The following FOCAD variants were observed in gnomAD, a reference collection of about 807,000 sequenced individuals.
FOCAD encodes the protein focadhesin, also known as KIAA1797.
Under a neutral mutation model 225.6 loss-of-function variants are expected in FOCAD, and 198 were observed. That is an observed-to-expected ratio of 0.88 (90% confidence interval 0.78 to 0.99). The LOEUF is 0.99. FOCAD is among the 50% of genes least tolerant of loss of function. The pLI, the probability that FOCAD is intolerant of heterozygous loss-of-function variation, is 0.00. For missense variants in FOCAD, 2,713 were observed against 2,123.6 expected (o/e 1.28, Z -5.46); for synonymous variants, 897 against 755.0 (o/e 1.19, Z -3.08).
chr9:20,695,000 C>T (rs1214722933), intron 1 of FOCAD, among the ~76,000 whole-genome samples: 2 of 152,140 alleles, frequency 1.3e-5, no homozygotes, highest in East Asian at 3.8e-4. Flanking sequence ...TGTACAATCC[C>T]TCCACTCCTT....
At chr9:20,940,661 G>A (rs73426729) in intron 28 of FOCAD, among the ~76,000 whole-genome samples, 3,031 of 152,246 alleles carry the variant, frequency 0.02, 90 homozygotes, top group African/African-American at 0.068. Context: ...TTTCACATCT[G>A]TTTCTCATGG....
chr9:20,856,758 G>C (rs1246736458), intron 15 of FOCAD, among the ~76,000 whole-genome samples: 1 of 151,928 alleles, frequency 6.6e-6, no homozygotes, highest in Non-Finnish European at 1.5e-5. Context: ...ATTTTGATTT[G>C]ATTTTTATGT....
At chr9:20,977,795 A>G (rs1344999686) in intron 36 of FOCAD, among the ~76,000 whole-genome samples, 1 of 152,186 alleles carries the variant, frequency 6.6e-6, no homozygotes, top group Non-Finnish European at 1.5e-5. Context: ...CAGAGATTTC[A>G]TTTGAAAAAT....
intron 21 of FOCAD, among the ~76,000 whole-genome samples, chr9:20,906,329 C>T (rs1012791537): frequency 6.6e-6 from 1 of 151,954 alleles, no homozygotes; most frequent in African/African-American, 2.4e-5. Context: ...CTCACTCTCT[C>T]TCTTTTTTTT....
chr9:20,882,088 G>A, intron 20 of FOCAD, 32 bp downstream of exon 20: 2 of 1,569,296 alleles, frequency 1.3e-6, no homozygotes, highest in Non-Finnish European at 1.7e-6. Flanking sequence ...AAAAATACAG[G>A]TTTTTCATGT....
chr9:20,878,439 C>T lies in FOCAD; in HGVS notation c.2318-3432C>T, dbSNP rs371534100. 2.8e-4 allele frequency among the ~76,000 whole-genome samples: 42 copies of T among 152,270 alleles called. 2 individuals carry two copies. In the South Asian group the frequency reaches 8.5e-3, roughly 31 times the overall value. On this transcript the variant is annotated intron_variant, in intron 19 of 43. Transcript: ENST00000338382. ...TTATTGCTCGGCCATTGGAAATAAG[C>T]AATTTTCTGCTTTTGCTGCATCAAT...
intron 5 of FOCAD, among the ~76,000 whole-genome samples, chr9:20,750,180 T>A (rs1423812537): frequency 3.3e-5 from 5 of 152,176 alleles, no homozygotes; most frequent in Non-Finnish European, 7.3e-5. Flanking sequence ...ATTCTGTCAT[T>A]TGCAACAACA....
rs765962025 is a variant in FOCAD at position 20,862,695 on chromosome 9, A to G, written c.2038A>G (p.Asn680Asp). The G allele has an allele frequency of 1.2e-6, 2 of 1,612,328 alleles. No homozygotes were observed. The highest frequency in any genetic ancestry group is 1.7e-6 in the Non-Finnish European group (2 of 1,179,116). Reference sequence around the variant, plus strand: ...TTCTCTAGTTCCTTCCTTAACGGTCAATACAACTGAATATGAGGTATGCAT... The same window carrying G: ...TTCTCTAGTTCCTTCCTTAACGGTCGATACAACTGAATATGAGGTATGCAT... ...LFSLVPSLTV[N>D]TTEYENFKVQ... Residue 680 changes from asparagine (N) to aspartate (D), a missense_variant, in exon 16 of 44, where the codon AAT (asparagine) becomes GAT (aspartate). Physicochemically the swap from Asn to Asp is conservative, Grantham distance 23 (BLOSUM62 1). Transcript: ENST00000338382.
intron 1 of FOCAD, among the ~76,000 whole-genome samples, chr9:20,688,955 G>T (rs947365342): frequency 2.0e-5 from 3 of 152,168 alleles, no homozygotes; most frequent in Non-Finnish European, 2.9e-5. Flanking sequence ...ATTTTGTTAC[G>T]TGCGTATGGT....
chr9:20,867,641 A>T (rs1033942660), intron 18 of FOCAD, among the ~76,000 whole-genome samples: 1 of 152,050 alleles, frequency 6.6e-6, no homozygotes, highest in African/African-American at 2.4e-5. Flanking sequence ...TCAGCTTTAA[A>T]TTAGTAGATC....
chr9:20,730,963 C>T (rs1182284006), intron 4 of FOCAD, among the ~76,000 whole-genome samples: 2 of 152,154 alleles, frequency 1.3e-5, no homozygotes, highest in Non-Finnish European at 2.9e-5. Flanking sequence ...TGGCTGAGCG[C>T]AGTGGCTCAC....
chr9:20,712,551 A>G (rs1824943383), intron 1 of FOCAD, among the ~76,000 whole-genome samples: 1 of 151,360 alleles, frequency 6.6e-6, no homozygotes. Context: ...AATCCCAGCT[A>G]CTCGGGAGGC....
intron 25 of FOCAD, among the ~76,000 whole-genome samples, chr9:20,924,260 C>A (rs180816949): frequency 2.0e-4 from 31 of 152,296 alleles, no homozygotes; most frequent in Middle Eastern, 6.8e-3. Flanking sequence ...TAATTCATAT[C>A]TGTCTAAATA....
At chr9:20,803,592 C>G (rs1437641719) in intron 11 of FOCAD, among the ~76,000 whole-genome samples, 1 of 152,056 alleles carries the variant, frequency 6.6e-6, no homozygotes, top group Non-Finnish European at 1.5e-5. Context: ...TGTTTCAAAT[C>G]TCTTATGATA....
intron 6 of FOCAD, among the ~76,000 whole-genome samples, chr9:20,762,374 G>A (rs1242727576): frequency 6.6e-6 from 1 of 152,130 alleles, no homozygotes. Context: ...TTTATAGATT[G>A]TATAAGTATT....
intron 39 of FOCAD, among the ~76,000 whole-genome samples, chr9:20,984,790 G>A (rs572014074): frequency 4.6e-5 from 7 of 152,206 alleles, no homozygotes; most frequent in African/African-American, 1.4e-4. Context: ...TCAACAACTT[G>A]TAGTTCCTTT....
At chr9:20,802,574 A>G (rs1005871965) in intron 11 of FOCAD, among the ~76,000 whole-genome samples, 1 of 152,156 alleles carries the variant, frequency 6.6e-6, no homozygotes, top group East Asian at 1.9e-4. Context: ...CTCAATTAAC[A>G]CATAAATATA....
intron 4 of FOCAD, 65 bp downstream of exon 4, chr9:20,720,599 C>T (rs1484371038): frequency 1.3e-6 from 2 of 1,542,462 alleles, no homozygotes; most frequent in South Asian, 1.2e-5. Flanking sequence ...TTCACTAAAT[C>T]ACTATTAAGA....
chr9:20,692,954 C>T (rs754914832), intron 1 of FOCAD, among the ~76,000 whole-genome samples: 2 of 152,136 alleles, frequency 1.3e-5, no homozygotes, highest in Non-Finnish European at 2.9e-5. Flanking sequence ...CTGTCCTGGC[C>T]TTCTAATGGA....
Sources: gnomAD v4.1 joint callset for allele counts (sites outside exome capture counted in the v4.1 genomes callset) on GRCh38, gnomAD v4.1.1 for gene constraint, MANE v1.5 for transcripts, NCBI Gene and HGNC (gene_info 2026-07-23, HGNC 2026-07-21) for gene names.